Variants in VPS13D observed in about 807,000 individuals in gnomAD.
VPS13D encodes the protein vacuolar protein sorting 13 homolog D, also known as intermembrane lipid transfer protein VPS13D.
Under a neutral mutation model 461.9 loss-of-function variants are expected in VPS13D, and 187 were observed. The observed-to-expected ratio is 0.40, with a 90% CI of 0.36 to 0.46. The LOEUF (loss-of-function observed/expected upper bound fraction) is 0.46. Ranked by LOEUF, VPS13D falls within the 20% of genes least tolerant of loss-of-function variation. VPS13D has a pLI of 0.60. For missense variants in VPS13D, 4,711 were observed against 5,364.9 expected (o/e 0.88, Z 3.81); for synonymous variants, 1,951 against 1,986.3 (o/e 0.98, Z 0.47).
intron 18 of VPS13D, among the ~76,000 whole-genome samples, chr1:12,274,182 A>C (rs911387957): frequency 6.6e-6 from 1 of 152,216 alleles, no homozygotes; most frequent in African/African-American, 2.4e-5. Flanking sequence ...CTGGAATTAC[A>C]GGTGCCCACC....
chr1:12,345,504 T>A lies in VPS13D; in HGVS notation c.9016T>A (p.Ser3006Thr), dbSNP rs759672466. Residue 3006 changes from serine to threonine, a missense_variant, in exon 43 of 70, where the codon TCT (serine) becomes ACT (threonine). Physicochemically the swap from Ser to Thr is moderately conservative, Grantham distance 58. Coordinates refer to ENST00000620676, the MANE Select transcript of VPS13D (RefSeq NM_015378.4). ...YAAPDKNSSS[S>T]TIGSPSSRTN... ...AGCACCAGATAAAAATTCATCTTCC[T>A]CTACGGTGTGTGACATTCAGGAAGT... The A allele has an allele frequency of 2.5e-6, 4 of 1,611,848 alleles. No homozygotes were observed. Among genetic ancestry groups the A allele is most frequent in the Non-Finnish European group, 8.5e-7 (1 of 1,178,058 alleles).
intron 62 of VPS13D, among the ~76,000 whole-genome samples, chr1:12,402,302 G>A (rs1644591940): frequency 6.6e-6 from 1 of 152,184 alleles, no homozygotes; most frequent in African/African-American, 2.4e-5. Flanking sequence ...TAATTGAGCT[G>A]TTGCTTCTTT....
intron 64 of VPS13D, among the ~76,000 whole-genome samples, chr1:12,415,807 G>A (rs1360035622): frequency 6.6e-6 from 1 of 152,014 alleles, no homozygotes; most frequent in Non-Finnish European, 1.5e-5. Flanking sequence ...TATCCTAATT[G>A]GTGATATTTC....
chr1:12,403,743 T>C, intron 62 of VPS13D, 82 bp from the exon 63 acceptor site: 1 of 1,359,712 alleles, frequency 7.4e-7, no homozygotes, highest in South Asian at 1.6e-5. Flanking sequence ...ATGATTTTTT[T>C]CTATGTGAAT....
intron 68 of VPS13D, among the ~76,000 whole-genome samples, chr1:12,499,262 C>T (rs562963101): frequency 1.3e-5 from 2 of 152,304 alleles, no homozygotes; most frequent in South Asian, 2.1e-4. Flanking sequence ...GCACATAGAA[C>T]AGTGCCTGGC....
At position 12,502,370 on chromosome 1, in the gene VPS13D, G is replaced by T. The variant is rs1646046608; in HGVS notation, c.12795-4483G>T. Among the ~76,000 whole-genome samples the T allele has an allele frequency of 6.6e-6, 1 of 152,130 alleles. No homozygotes were observed. The highest frequency in any genetic ancestry group is 2.1e-4 in the South Asian group (1 of 4,822). On this transcript the variant is annotated intron_variant, in intron 68 of 69. Transcript: ENST00000620676. The surrounding 1 kb of genome is among the most constrained non-coding windows in gnomAD (Gnocchi z 4.3). Reference sequence around the variant, plus strand: ...GGAGGAGGGTTGAGAGTGGCTTCGGGCTCCTTGCCTGTCTGGTTGATGAGG... The same window carrying T: ...GGAGGAGGGTTGAGAGTGGCTTCGGTCTCCTTGCCTGTCTGGTTGATGAGG...
intron 65 of VPS13D, among the ~76,000 whole-genome samples, chr1:12,435,703 G>A (rs1645050765): frequency 6.6e-6 from 1 of 151,608 alleles, no homozygotes; most frequent in African/African-American, 2.4e-5. Flanking sequence ...CAGTGCAAAA[G>A]CAGCACTCTA....
intron 26 of VPS13D, among the ~76,000 whole-genome samples, chr1:12,307,227 T>C (rs944490428): frequency 7.9e-5 from 12 of 152,188 alleles, no homozygotes; most frequent in Non-Finnish European, 1.6e-4. Context: ...AAAAAGACAT[T>C]GAGCATTTAA....
intron 65 of VPS13D, among the ~76,000 whole-genome samples, chr1:12,434,648 T>C (rs1299156614): frequency 6.6e-6 from 1 of 152,188 alleles, no homozygotes; most frequent in East Asian, 1.9e-4. Context: ...CAGGTATGTT[T>C]AAATCTGTGG....
chr1:12,244,228 C>T lies in VPS13D; in HGVS notation c.176-18C>T. 1 of 1,596,774 alleles carries T rather than the reference C, an allele frequency of 6.3e-7. No individual in the cohort carries two copies. Among genetic ancestry groups the T allele is most frequent in the Non-Finnish European group, 8.5e-7 (1 of 1,173,766 alleles). ...AAATGTGTACAGATGGTGAACAAGA[C>T]TTTCCTTCTCCTTCCAGGCTTCATT... On this transcript the variant is annotated intron_variant, in intron 3 of 69. Coordinates refer to ENST00000620676, the MANE Select transcript of VPS13D (RefSeq NM_015378.4).
intron 24 of VPS13D, among the ~76,000 whole-genome samples, chr1:12,295,034 C>T (rs1642236193): frequency 6.6e-6 from 1 of 151,868 alleles, no homozygotes; most frequent in African/African-American, 2.4e-5. Context: ...CCAGCCTGGG[C>T]AACATGGTGG....
chr1:12,342,597 A>T (rs1643594048), intron 41 of VPS13D, among the ~76,000 whole-genome samples: 1 of 151,982 alleles, frequency 6.6e-6, no homozygotes, highest in East Asian at 1.9e-4. Context: ...ATTCCAACTA[A>T]TCACTTAAAT....
intron 63 of VPS13D, among the ~76,000 whole-genome samples, chr1:12,406,159 A>C (rs1644651880): frequency 6.6e-6 from 1 of 152,190 alleles, no homozygotes; most frequent in South Asian, 2.1e-4. Context: ...TGTTTCCAGC[A>C]GGGTGCGGGG....
chr1:12,288,230 C>T lies in VPS13D; in HGVS notation c.5642C>T (p.Ser1881Leu). The change falls in exon 22 of 70, where the codon TCA becomes TTA. Residue 1881 changes from serine (S) to leucine (L), a missense_variant. Ser to Leu is a moderately radical substitution (Grantham distance 145). This residue lies in a region of VPS13D where 4,411 missense variants were observed against 4,937.8 expected (regional missense o/e 0.89). Coordinates refer to ENST00000620676, the MANE Select transcript of VPS13D (RefSeq NM_015378.4). ...VNTKLDLKVH[S>L]LSLVLNKTTS... ...TATCTTGTCTGTTCCTAGGTTCATT[C>T]ACTTTCTCTAGTGCTGAATAAGACC... 6.2e-7 allele frequency: 1 copy of T among 1,613,064 alleles called. No individual in the cohort carries two copies. The highest frequency in any genetic ancestry group is 8.5e-7 in the Non-Finnish European group (1 of 1,179,162).
rs1645977367 is a variant in VPS13D at position 12,497,574 on chromosome 1, G to A, written c.12737G>A (p.Ser4246Asn). The A allele has an allele frequency of 2.5e-6, 4 of 1,614,092 alleles. No homozygotes were observed. The East Asian group carries it at 6.7e-5, about 27-fold the overall frequency. The stretch of plus-strand genomic sequence containing the variant: ...GGGCTGCTTCCCCGATATTCTGAGA[G>A]CCAGGCGGAAGGACAGGAGCAGCTC... ...PQGLLPRYSE[S>N]QAEGQEQLFK... The change falls in exon 68 of 70, where the codon AGC becomes AAC. Residue 4246 changes from serine (S) to asparagine (N), a missense_variant. Physicochemically the swap from Ser to Asn is conservative, Grantham distance 46. Transcript: ENST00000620676.
At chr1:12,448,618 T>G (rs1645223746) in intron 65 of VPS13D, among the ~76,000 whole-genome samples, 1 of 152,232 alleles carries the variant, frequency 6.6e-6, no homozygotes, top group South Asian at 2.1e-4. Context: ...GGATTCATCC[T>G]TCCTTCATAA....
intron 55 of VPS13D, among the ~76,000 whole-genome samples, chr1:12,376,074 G>C (rs922077176): frequency 1.3e-5 from 2 of 152,150 alleles, no homozygotes; most frequent in Non-Finnish European, 2.9e-5. Context: ...ATCTCACCTG[G>C]GTATGTCTGT....
intron 65 of VPS13D, among the ~76,000 whole-genome samples, chr1:12,427,633 T>C (rs1228083035): frequency 4.6e-5 from 7 of 152,218 alleles, no homozygotes; most frequent in Admixed American, 1.3e-4. Context: ...ATGATTTATA[T>C]ACAGGAAGAT....
At position 12,279,099 on chromosome 1, in the gene VPS13D, G is replaced by A. The variant is rs1641704169; in HGVS notation, c.4451-400G>A. On this transcript the variant is annotated intron_variant, in intron 19 of 69. Coordinates refer to ENST00000620676, the MANE Select transcript of VPS13D (RefSeq NM_015378.4). The surrounding 1 kb of genome is among the most constrained non-coding windows in gnomAD (Gnocchi z 4.3). ...TTGTATTGTCCTAGATTCTGATTTA[G>A]GCCTAATAAGAGGGATACATCTGTA... Among the ~76,000 whole-genome samples the A allele has an allele frequency of 1.3e-5, 2 of 152,050 alleles. No individual in the cohort carries two copies. The highest frequency in any genetic ancestry group is 1.3e-4 in the Admixed American group (2 of 15,262).
Sources: allele counts gnomAD v4.1 joint callset (sites outside exome capture counted in the v4.1 genomes callset), GRCh38; gene constraint gnomAD v4.1.1; regional missense constraint gnomAD v4.1.1; non-coding constraint Gnocchi (gnomAD v3.1); transcripts MANE v1.5; gene names NCBI Gene and HGNC (gene_info 2026-07-23, HGNC 2026-07-21).